MC2R: variants seen among roughly 807,000 people sequenced by gnomAD.
MC2R encodes the protein adrenocorticotropic hormone receptor.
In MC2R, 9 loss-of-function variants were observed where a neutral mutation model predicts 9.8. The observed-to-expected ratio is 0.92, with a 90% confidence interval of 0.55 to 1.60. The LOEUF (loss-of-function observed/expected upper bound fraction) is 1.60. MC2R is among the 40% of genes most tolerant of loss of function. MC2R has a pLI of 0.00. For missense variants in MC2R, 370 were observed against 389.0 expected (o/e 0.95, Z 0.41); for synonymous variants, 185 against 154.7 (o/e 1.20, Z -1.45).
chr18:13,904,982 G>A (rs1029584193), intron 1 of MC2R, among the ~76,000 whole-genome samples: 1 of 152,166 alleles, frequency 6.6e-6, no homozygotes, highest in African/African-American at 2.4e-5. Flanking sequence ...CATGGGCAAT[G>A]ACTTCATGAC....
intron 1 of MC2R, among the ~76,000 whole-genome samples, chr18:13,888,540 C>T (rs374118267): frequency 6.6e-6 from 1 of 152,200 alleles, no homozygotes; most frequent in African/African-American, 2.4e-5. Context: ...CAGCAGAGCC[C>T]GCCTTGTGAC....
chr18:13,911,046 G>A (rs1300765806), intron 1 of MC2R, among the ~76,000 whole-genome samples: 31 of 152,356 alleles, frequency 2.0e-4, no homozygotes, highest in Non-Finnish European at 7.3e-5. Flanking sequence ...AGCAGTCAGC[G>A]TGGCTCAGCA....
In MC2R at chr18:13,888,206, G is replaced by A. The variant is rs149252397; in HGVS notation, c.-128-2560C>T. Among the ~76,000 whole-genome samples, 147 of 152,252 alleles carry A rather than the reference G, an allele frequency of 9.7e-4. 1 individual carries two copies. The highest frequency in any genetic ancestry group is 1.5e-3 in the Non-Finnish European group (105 of 68,020). Reference sequence around the variant, plus strand: ...TTCAGTTGCTGTGCATTGCTGACCTGCAGCTGCCAATCCTATAAATCCATG... The same window carrying A: ...TTCAGTTGCTGTGCATTGCTGACCTACAGCTGCCAATCCTATAAATCCATG... On this transcript the variant is annotated intron_variant, in intron 1 of 1. Transcript: ENST00000327606.
At chr18:13,914,082 T>C (rs1292079780) in intron 1 of MC2R, among the ~76,000 whole-genome samples, 1 of 151,572 alleles carries the variant, frequency 6.6e-6, no homozygotes, top group African/African-American at 2.4e-5. Flanking sequence ...TTTTAAGATG[T>C]CTTAAGTTGC....
intron 1 of MC2R, among the ~76,000 whole-genome samples, chr18:13,905,853 C>G: frequency 6.6e-6 from 1 of 151,228 alleles, no homozygotes; most frequent in Non-Finnish European, 1.5e-5. Flanking sequence ...GCCAAGAGAT[C>G]GAGACCATCC....
chr18:13,908,857 T>C (rs1216391350), intron 1 of MC2R, among the ~76,000 whole-genome samples: 1 of 152,118 alleles, frequency 6.6e-6, no homozygotes, highest in Non-Finnish European at 1.5e-5. Context: ...AGAACAGTTT[T>C]AAATTTATGG....
chr18:13,900,844 G>T (rs2045375358), intron 1 of MC2R, among the ~76,000 whole-genome samples: 1 of 152,022 alleles, frequency 6.6e-6, no homozygotes, highest in Non-Finnish European at 1.5e-5. Context: ...GATCTTCAAG[G>T]CAGAAAATCA....
chr18:13,906,561 A>G (rs1184223123), intron 1 of MC2R, among the ~76,000 whole-genome samples: 1 of 152,220 alleles, frequency 6.6e-6, no homozygotes, highest in African/African-American at 2.4e-5. Flanking sequence ...CTTAGAAGAA[A>G]TAAAGAAAAA....
At chr18:13,907,010 G>C (rs2045418048) in intron 1 of MC2R, among the ~76,000 whole-genome samples, 1 of 152,084 alleles carries the variant, frequency 6.6e-6, no homozygotes, top group African/African-American at 2.4e-5. Context: ...TCTTTGTAAA[G>C]ATAGAAAAAA....
At chr18:13,912,922 G>T (rs778541956) in intron 1 of MC2R, among the ~76,000 whole-genome samples, 1 of 152,046 alleles carries the variant, frequency 6.6e-6, no homozygotes, top group Admixed American at 6.6e-5. Flanking sequence ...TTTGGGGGTG[G>T]CTTTATTCTT....
intron 1 of MC2R, among the ~76,000 whole-genome samples, chr18:13,913,473 G>A (rs1281662952): frequency 3.9e-5 from 6 of 152,188 alleles, no homozygotes; most frequent in Admixed American, 6.5e-5. Context: ...GGCTCTGTGC[G>A]TTACCCATGC....
intron 1 of MC2R, among the ~76,000 whole-genome samples, 162 bp downstream of exon 1, chr18:13,915,326 A>G (rs888986755): frequency 6.6e-6 from 1 of 152,236 alleles, no homozygotes; most frequent in African/African-American, 2.4e-5. Context: ...TTTAATTAGA[A>G]AAATAATAAA....
At chr18:13,894,449 G>A (rs1205417787) in intron 1 of MC2R, among the ~76,000 whole-genome samples, 4 of 152,138 alleles carry the variant, frequency 2.6e-5, no homozygotes, top group South Asian at 2.1e-4. Context: ...TTGTCTTCAC[G>A]TACATGTAAA....
intron 1 of MC2R, among the ~76,000 whole-genome samples, chr18:13,911,214 G>T (rs2045442310): frequency 6.6e-6 from 1 of 152,302 alleles, no homozygotes; most frequent in East Asian, 1.9e-4. Context: ...GGGCAGCCGA[G>T]AGCAGGGGCC....
chr18:13,905,199 C>A (rs899622371), intron 1 of MC2R, among the ~76,000 whole-genome samples: 1 of 152,130 alleles, frequency 6.6e-6, no homozygotes. Flanking sequence ...AAGAAAAAAA[C>A]AACCCCACCA....
rs2045264767 is a variant in MC2R at position 13,884,924 on chromosome 18, G to A, written c.595C>T (p.Leu199=). 1 of 1,613,726 alleles carries A rather than the reference G, an allele frequency of 6.2e-7. No individual in the cohort carries two copies. Among genetic ancestry groups the A allele is most frequent in the Admixed American group, 1.7e-5 (1 of 59,976 alleles). Residue 199 remains leucine (L), a synonymous_variant, in exon 2 of 2, where the codon CTG becomes TTG. Transcript: ENST00000327606. ...ILCLYVHMFL[L]ARSHTRKIST... Reference sequence around the variant, plus strand: ...ATCTTCCTGGTGTGGGATCGAGCCAGCAGGAACATGTGCACATAGAGGCAC... The same window carrying A: ...ATCTTCCTGGTGTGGGATCGAGCCAACAGGAACATGTGCACATAGAGGCAC...
intron 1 of MC2R, among the ~76,000 whole-genome samples, chr18:13,894,128 A>G (rs909637482): frequency 3.6e-5 from 5 of 137,116 alleles, no homozygotes; most frequent in Admixed American, 7.2e-5. Context: ...AAATAGAAGC[A>G]TGTGTGTTTG....
chr18:13,889,811 T>A (rs2045304377), intron 1 of MC2R, among the ~76,000 whole-genome samples: 1 of 152,124 alleles, frequency 6.6e-6, no homozygotes, highest in Non-Finnish European at 1.5e-5. Flanking sequence ...GCATGGTGGG[T>A]CTCATTTTAA....
In MC2R at chr18:13,892,737, AAAG is replaced by A. The variant is rs1394347956; in HGVS notation, c.-128-7094_-128-7092del. On this transcript the variant is annotated intron_variant, in intron 1 of 1. Coordinates refer to ENST00000327606, the MANE Select transcript of MC2R (RefSeq NM_000529.2). ...AAATTAACCATGACAATAAAGAAAA[AAAG>A]AGAGCTATTAACCTTATTTTGAAAG... 2.0e-5 allele frequency among the ~76,000 whole-genome samples: 3 copies of A among 152,198 alleles called. No individual in the cohort carries two copies. The East Asian group carries it at 5.8e-4, about 29-fold the overall frequency.
Sources: allele counts gnomAD v4.1 joint callset (sites outside exome capture counted in the v4.1 genomes callset), GRCh38; gene constraint gnomAD v4.1.1; transcripts MANE v1.5; gene names NCBI Gene and HGNC (gene_info 2026-07-23, HGNC 2026-07-21).